The following ELMO1 variants were observed in gnomAD, a reference collection of about 807,000 sequenced individuals.
ELMO1 encodes engulfment and cell motility 1.
In ELMO1, 26 loss-of-function variants were observed where a neutral mutation model predicts 98.9. The observed-to-expected ratio is 0.26, with a 90% CI of 0.19 to 0.36. The LOEUF is 0.36. ELMO1 is among the 10% of genes least tolerant of loss of function. ELMO1 has a pLI of 1.00. For missense variants in ELMO1, 627 were observed against 935.2 expected, an observed-to-expected ratio of 0.67 and a Z score of 4.30; for synonymous variants, 346 against 346.0, an observed-to-expected ratio of 1.00 and a Z score of 0.00.
rs539413785 is a variant in ELMO1, at chr7:36,941,468, T to C, written c.1438-46451A>G. Among the ~76,000 whole-genome samples the C allele has an allele frequency of 2.6e-5, 4 of 152,370 alleles. No individual in the cohort carries two copies. In the South Asian group the frequency reaches 8.3e-4, roughly 32 times the overall value. Reference sequence around the variant, plus strand: ...GGAAAGGATTCTATGATGTAATGTTTTGAGAAACTCCATCTCTTATCTACA... The same window carrying C: ...GGAAAGGATTCTATGATGTAATGTTCTGAGAAACTCCATCTCTTATCTACA... On this transcript the variant is annotated intron_variant, in intron 16 of 21. Transcript: ENST00000310758.
intron 13 of ELMO1, among the ~76,000 whole-genome samples, chr7:37,176,434 G>A (rs746948354): frequency 5.3e-5 from 8 of 152,140 alleles, no homozygotes; most frequent in South Asian, 4.1e-4. Context: ...TTGGTCTATC[G>A]CAGTGAGATA....
chr7:37,026,124 G>T (rs949750725), intron 15 of ELMO1, among the ~76,000 whole-genome samples: 4 of 152,196 alleles, frequency 2.6e-5, no homozygotes, highest in African/African-American at 9.6e-5. Flanking sequence ...GAGAAGTGGC[G>T]CATTAAGAGA....
intron 2 of ELMO1, among the ~76,000 whole-genome samples, chr7:37,331,357 G>GTTTTTTTTTTT (rs1371395526): frequency 1.3e-5 from 1 of 77,200 alleles, no homozygotes; most frequent in African/African-American, 5.0e-5. Flanking sequence ...TTTTTTTTTG[G>GTTTTTTTTTTT]AATTTTAGTA....
intron 16 of ELMO1, among the ~76,000 whole-genome samples, chr7:36,994,198 A>T (rs761791674): frequency 4.6e-5 from 7 of 152,134 alleles, no homozygotes; most frequent in Non-Finnish European, 7.4e-5. Flanking sequence ...TCTGTTCATG[A>T]ATTTCATTAT....
chr7:37,198,715 TG>T (rs1792110335), intron 13 of ELMO1, among the ~76,000 whole-genome samples: 1 of 152,224 alleles, frequency 6.6e-6, no homozygotes, highest in Non-Finnish European at 1.5e-5. Context: ...ACCTGCTGGA[TG>T]GTGCCCTTTT....
intron 15 of ELMO1, among the ~76,000 whole-genome samples, chr7:37,061,444 C>T (rs545532327): frequency 6.6e-6 from 1 of 152,134 alleles, no homozygotes; most frequent in South Asian, 2.1e-4. Flanking sequence ...ACTAGAGTTG[C>T]CCCCAGAATT....
At chr7:37,133,307 C>A in intron 13 of ELMO1, 73 bp from the exon 14 acceptor site, 2 of 1,189,302 alleles carry the variant, frequency 1.7e-6, no homozygotes, top group Non-Finnish European at 2.4e-6. Context: ...ATCTGATTTC[C>A]CTCCTCAAGA....
chr7:36,925,079 C>A (rs147129652), intron 16 of ELMO1, among the ~76,000 whole-genome samples: 1 of 152,026 alleles, frequency 6.6e-6, no homozygotes, highest in Non-Finnish European at 1.5e-5. Context: ...CAGGACAGAC[C>A]GCCAACCAGG....
Position 36,886,315 on chromosome 7 carries a change from AG to A in ELMO1, c.1714+1244del, listed in dbSNP as rs1160480581. On this transcript the variant is annotated intron_variant, in intron 18 of 21. Coordinates refer to ENST00000310758, the MANE Select transcript of ELMO1 (RefSeq NM_014800.11). ...GAAGAAACTGCATTTTCATTCCTCCAGGAAGTTCTGCCTTTGGAAGTTCCTC... is the reference window on the plus strand; with the variant it reads ...GAAGAAACTGCATTTTCATTCCTCCAGAAGTTCTGCCTTTGGAAGTTCCTC... 3.3e-5 allele frequency among the ~76,000 whole-genome samples: 5 copies of A among 152,308 alleles called. No individual in the cohort carries two copies. In the East Asian group the frequency reaches 9.7e-4, roughly 29 times the overall value.
intron 16 of ELMO1, among the ~76,000 whole-genome samples, chr7:36,953,168 A>G (rs1584426321): frequency 6.6e-6 from 1 of 151,830 alleles, no homozygotes; most frequent in African/African-American, 2.4e-5. Context: ...GGGTTTCACC[A>G]TGTTAGCCAG....
At chr7:36,912,456 C>A (rs970234741) in intron 16 of ELMO1, among the ~76,000 whole-genome samples, 6 of 152,162 alleles carry the variant, frequency 3.9e-5, no homozygotes. Context: ...CTGTGTAAAT[C>A]ATAGGAGAAA....
rs1783664268 is a variant in ELMO1 at position 36,902,666 on chromosome 7, C to T, written c.1438-7649G>A. Among the ~76,000 whole-genome samples, 3 of 152,296 alleles carry T rather than the reference C, an allele frequency of 2.0e-5. No individual in the cohort carries two copies. The South Asian group carries it at 6.2e-4, about 32-fold the overall frequency. ...GTCTTGTTCTCTGGGTGCCATATAC[C>T]TGGATTTGTGACCATCCGTAACTCT... is the stretch of plus-strand genomic sequence containing the variant. On this transcript the variant is annotated intron_variant, in intron 16 of 21. Coordinates refer to ENST00000310758, the MANE Select transcript of ELMO1 (RefSeq NM_014800.11).
At chr7:37,305,560 A>G (rs546508196) in intron 4 of ELMO1, among the ~76,000 whole-genome samples, 1 of 152,204 alleles carries the variant, frequency 6.6e-6, no homozygotes, top group South Asian at 2.1e-4. Flanking sequence ...AGACTCTAAG[A>G]GGAACATTAA....
At chr7:36,861,815 A>C (rs1584264063) in intron 20 of ELMO1, 79 bp from the exon 21 acceptor site, 4 of 1,383,508 alleles carry the variant, frequency 2.9e-6, no homozygotes, top group African/African-American at 1.4e-5. Context: ...CTGCACATTG[A>C]CCATGGCATA....
chr7:37,017,930 A>C (rs1192653635), intron 15 of ELMO1, among the ~76,000 whole-genome samples: 2 of 152,146 alleles, frequency 1.3e-5, no homozygotes, highest in Non-Finnish European at 2.9e-5. Context: ...ACAGACTTGC[A>C]TTCGAATAAT....
intron 16 of ELMO1, among the ~76,000 whole-genome samples, chr7:36,923,362 T>C (rs1202416878): frequency 6.6e-6 from 1 of 152,100 alleles, no homozygotes; most frequent in Non-Finnish European, 1.5e-5. Context: ...GGTAGGAGAG[T>C]AAAGGTCAAG....
intron 1 of ELMO1, among the ~76,000 whole-genome samples, chr7:37,407,896 G>A (rs1803838620): frequency 6.6e-6 from 1 of 152,118 alleles, no homozygotes; most frequent in Admixed American, 6.5e-5. Flanking sequence ...CCCTGCTGGG[G>A]AAAGAGAGGA....
chr7:37,308,560 C>A (rs1261780080), intron 4 of ELMO1, among the ~76,000 whole-genome samples: 1 of 152,214 alleles, frequency 6.6e-6, no homozygotes, highest in Non-Finnish European at 1.5e-5. Context: ...TCCTTTGTGG[C>A]ACTCATTGTC....
intron 4 of ELMO1, among the ~76,000 whole-genome samples, chr7:37,275,449 G>A (rs993996137): frequency 6.6e-6 from 1 of 152,202 alleles, no homozygotes; most frequent in African/African-American, 2.4e-5. Context: ...CTCTGATAAA[G>A]CTGGGCTCAA....
Sources: gnomAD v4.1 joint callset for allele counts (sites outside exome capture counted in the v4.1 genomes callset) on GRCh38, gnomAD v4.1.1 for gene constraint, MANE v1.5 for transcripts, NCBI Gene and HGNC (gene_info 2026-07-23, HGNC 2026-07-21) for gene names.